The following ZNF519 variants were observed in gnomAD, a reference collection of about 807,000 sequenced individuals.
The protein encoded by ZNF519 is zinc finger protein 519, also known as similar to Zinc finger protein 85 (Zinc finger protein HPF4) (HTF1).
In ZNF519, 7 loss-of-function variants were observed where a neutral mutation model predicts 7.4. The ratio of observed to expected loss-of-function variants is 0.94; its 90% CI spans 0.54 to 1.77. ZNF519 has a LOEUF of 1.77. Among genes scored for constraint, ZNF519 ranks in the 40% most tolerant of loss-of-function variants. ZNF519 has a pLI of 0.00. For synonymous variants in ZNF519, 179 were observed against 203.3 expected (o/e 0.88, Z 1.02); for missense variants, 586 against 623.1 (o/e 0.94, Z 0.63).
rs780035596 is a variant in ZNF519, at chr18:14,106,322, C to T, written c.218G>A (p.Ser73Asn). The T allele has an allele frequency of 6.2e-7, 1 of 1,613,230 alleles. No individual in the cohort carries two copies. The highest frequency in any genetic ancestry group is 1.1e-5 in the South Asian group (1 of 91,018). ...FKKATLGRYGSCGLENICLWK... is the reference protein window; with the variant it reads ...FKKATLGRYGNCGLENICLWK... ...TAAGCATATATTTTCAAGGCCACAG[C>T]TCCCATATCTTCCCAGTGTTGCTTT... The change falls in exon 3 of 3, where the codon AGC becomes AAC. Residue 73 changes from serine to asparagine, a missense_variant. Coordinates refer to ENST00000590202, the MANE Select transcript of ZNF519 (RefSeq NM_145287.4).
Position 14,103,165 on chromosome 18 carries a change from T to C in ZNF519, c.*1752A>G, listed in dbSNP as rs1238695275. On this transcript the variant is annotated 3_prime_UTR_variant, in exon 3 of 3. Transcript: ENST00000590202. ...ATAATGGGCAGAAAAAGTGGGAAGA[T>C]CAACAGGAAAACATAACACTTGAAC... The C allele has an allele frequency of 6.6e-6, 1 of 151,974 alleles. No homozygotes were observed. Among genetic ancestry groups the C allele is most frequent in the Non-Finnish European group, 1.5e-5 (1 of 67,946 alleles). 9.4% of individuals were successfully genotyped at this position (151,974 alleles called of 1,614,324 possible).
chr18:14,117,780 G>A (rs1419979181), intron 2 of ZNF519, among the ~76,000 whole-genome samples: 2 of 152,004 alleles, frequency 1.3e-5, no homozygotes, highest in African/African-American at 4.8e-5. Context: ...AGTGAGGGTG[G>A]GGGTGCCACA....
At chr18:14,119,178 C>T (rs932895111) in intron 2 of ZNF519, among the ~76,000 whole-genome samples, 34 of 152,314 alleles carry the variant, frequency 2.2e-4, no homozygotes, top group African/African-American at 8.2e-4. Flanking sequence ...CCCAGCAGCA[C>T]CCTTGTGACC....
At chr18:14,130,899 G>C (rs1288422462) in intron 1 of ZNF519, among the ~76,000 whole-genome samples, 2 of 151,764 alleles carry the variant, frequency 1.3e-5, no homozygotes, top group African/African-American at 4.8e-5. Context: ...TTACAGGAAG[G>C]GTAAGCCTGG....
chr18:14,128,793 T>C (rs1412726811), intron 1 of ZNF519, among the ~76,000 whole-genome samples: 3 of 152,004 alleles, frequency 2.0e-5, no homozygotes, highest in Non-Finnish European at 4.4e-5. Flanking sequence ...AGAAAGGTTT[T>C]CAAACTAAAT....
At chr18:14,099,083 G>T (rs1442564411), downstream of ZNF519, among the ~76,000 whole-genome samples, 7 of 151,934 alleles carry the variant, frequency 4.6e-5, no homozygotes, top group Non-Finnish European at 1.0e-4. Context: ...TCCTTACCCA[G>T]CCAACTTCCA....
chr18:14,092,814 T>C (rs76459247), intron 2 of ZNF519, among the ~76,000 whole-genome samples: 3,357 of 152,260 alleles, frequency 0.022, 124 homozygotes, highest in African/African-American at 0.074. Flanking sequence ...TCTTAGCCTA[T>C]AAAATTTACA....
intron 2 of ZNF519, 173 bp downstream of exon 2, chr18:14,124,177 T>TAA (rs199578474): frequency 8.8e-4 from 346 of 391,502 alleles, no homozygotes; most frequent in East Asian, 1.0e-3. Flanking sequence ...CTGTCTCAAT[T>TAA]AAAAAAAAAA....
Position 14,089,050 on chromosome 18 carries a change from T to C in ZNF519, c.131-3974A>G, listed in dbSNP as rs183440580. 7.6e-3 allele frequency among the ~76,000 whole-genome samples: 1,158 copies of C among 152,282 alleles called. 6 individuals are homozygous for C. The highest frequency in any genetic ancestry group is 0.012 in the Non-Finnish European group (785 of 68,002). ...CTCACTTTTCAAATAAAAGTTTTAA[T>C]TTTTACGAACATGAAAGAAGCAAAA... On this transcript the variant is annotated intron_variant and NMD_transcript_variant, in intron 2 of 4. Transcript: ENST00000587419.
intron 2 of ZNF519, among the ~76,000 whole-genome samples, chr18:14,109,876 A>T (rs1417631791): frequency 6.6e-6 from 1 of 152,128 alleles, no homozygotes; most frequent in Non-Finnish European, 1.5e-5. Flanking sequence ...TAGCCAAAGT[A>T]ATACTAACCA....
chr18:14,130,752 C>G (rs1024222802), intron 1 of ZNF519, among the ~76,000 whole-genome samples: 10 of 151,650 alleles, frequency 6.6e-5, no homozygotes, highest in African/African-American at 2.2e-4. Context: ...TAAGACAATT[C>G]AGAAGACAGG....
At chr18:14,086,154 G>C (rs1489757884) in intron 2 of ZNF519, among the ~76,000 whole-genome samples, 3 of 152,188 alleles carry the variant, frequency 2.0e-5, no homozygotes, top group African/African-American at 7.2e-5. Context: ...GCTTTGCCTG[G>C]CAATGCAGTG....
In ZNF519 at chr18:14,124,142, C is replaced by T. The variant is rs184721104; in HGVS notation, c.130+208G>A. The stretch of plus-strand genomic sequence containing the variant: ...GAGCCAAGATCGCGCCATTGCACTC[C>T]AGCCTGGGTAACAAGAGCGAAACTC... On this transcript the variant is annotated intron_variant, in intron 2 of 2. Transcript: ENST00000590202. The T allele has an allele frequency of 1.0e-3, 340 of 328,060 alleles. 1 individual carries two copies. The highest frequency in any genetic ancestry group is 1.5e-3 in the Non-Finnish European group (279 of 192,270). The allele number at this position is 328,060 out of a possible 1,614,324, so 20.3% of individuals were successfully genotyped here.
At chr18:14,128,706 C>CACAA (rs1374344107) in intron 1 of ZNF519, among the ~76,000 whole-genome samples, 1 of 149,360 alleles carries the variant, frequency 6.7e-6, no homozygotes, top group Non-Finnish European at 1.5e-5. Flanking sequence ...CACACACACA[C>CACAA]ACACACACAC....
At chr18:14,126,662 T>A (rs980718871) in intron 1 of ZNF519, among the ~76,000 whole-genome samples, 1 of 152,234 alleles carries the variant, frequency 6.6e-6, no homozygotes, top group African/African-American at 2.4e-5. Context: ...AGGTAGCTTA[T>A]TGACCAGTTT....
chr18:14,123,100 T>C, intron 2 of ZNF519: 1 of 206,952 alleles, frequency 4.8e-6, no homozygotes. Context: ...TCTCCTTCAT[T>C]CACCCTCACT....
chr18:14,103,360 T>C lies in ZNF519; in HGVS notation c.*1557A>G, dbSNP rs2046171583. The C allele has an allele frequency of 6.6e-6, 1 of 152,064 alleles. No individual in the cohort carries two copies. The highest frequency in any genetic ancestry group is 1.5e-5 in the Non-Finnish European group (1 of 67,986). The allele number at this position is 152,064 out of a possible 1,614,324, so 9.4% of individuals were successfully genotyped here. ...AATAATCCAAAGTATTTTCCCTGAC[T>C]TTAGTAAAAGGAAATTAAAAATAAA... On this transcript the variant is annotated 3_prime_UTR_variant, in exon 3 of 3. Coordinates refer to ENST00000590202, the MANE Select transcript of ZNF519 (RefSeq NM_145287.4).
chr18:14,093,417 C>T (rs1011592856), intron 2 of ZNF519, among the ~76,000 whole-genome samples: 1 of 152,188 alleles, frequency 6.6e-6, no homozygotes, highest in Non-Finnish European at 1.5e-5. Context: ...GCCCTTACTA[C>T]TTAACCAGTG....
downstream of ZNF519, among the ~76,000 whole-genome samples, chr18:14,098,580 G>A (rs1031876743): frequency 5.9e-5 from 9 of 152,154 alleles, no homozygotes; most frequent in African/African-American, 1.2e-4. Context: ...GGGAGGCTCC[G>A]ACTTGTTACA....
Sources: gnomAD v4.1 joint callset for allele counts (sites outside exome capture counted in the v4.1 genomes callset) on GRCh38, gnomAD v4.1.1 for gene constraint, MANE v1.5 for transcripts, NCBI Gene and HGNC (gene_info 2026-07-23, HGNC 2026-07-21) for gene names.